Variants in RYR2 observed in about 807,000 individuals in gnomAD.
RYR2 encodes the protein ryanodine receptor 2.
Under a neutral mutation model 601.1 loss-of-function variants are expected in RYR2, and 227 were observed. The observed-to-expected ratio is 0.38, with a 90% CI of 0.34 to 0.42. The LOEUF (loss-of-function observed/expected upper bound fraction) is 0.42. RYR2 is among the 10% of genes least tolerant of loss of function. The pLI, the probability that RYR2 is intolerant of heterozygous loss-of-function variation, is 1.00. For synonymous variants in RYR2, 2,223 were observed against 2,175.1 expected (o/e 1.02, Z -0.61); for missense variants, 4,646 against 6,156.5 (o/e 0.75, Z 8.21).
At chr1:237,380,400 AT>A (rs1701395373) in intron 8 of RYR2, among the ~76,000 whole-genome samples, 1 of 35,002 alleles carries the variant, frequency 2.9e-5, no homozygotes, top group Non-Finnish European at 5.7e-5. Context: ...ATATATATAT[AT>A]ATATATATAT....
rs901316291 is a variant in RYR2, at chr1:237,377,384, A to G, written c.525A>G (p.Val175=). 2 of 1,613,648 alleles carry G rather than the reference A, an allele frequency of 1.2e-6. No individual in the cohort carries two copies. The highest frequency in any genetic ancestry group is 1.3e-5 in the African/African-American group (1 of 74,942). ...ASKQRSEGEK[V]RVGDDLILVS... ...AGCAGCGATCAGAAGGAGAAAAAGT[A>G]CGAGTTGGAGATGACCTCATCTTAG... Residue 175 remains valine (V), a synonymous_variant, in exon 8 of 105, where the codon GTA becomes GTG. Coordinates refer to ENST00000366574, the MANE Select transcript of RYR2 (RefSeq NM_001035.3).
intron 3 of RYR2, chr1:237,341,546 C>A: frequency 2.2e-6 from 1 of 455,334 alleles, no homozygotes; most frequent in South Asian, 1.6e-5. Flanking sequence ...GCCTTCCTAT[C>A]CCCATTAGAG....
intron 2 of RYR2, among the ~76,000 whole-genome samples, chr1:237,303,355 A>G (rs967271492): frequency 7.8e-6 from 1 of 128,052 alleles, no homozygotes; most frequent in African/African-American, 3.2e-5. Flanking sequence ...ACTGGAGTGC[A>G]GTGGTGCAAT....
intron 3 of RYR2, 120 bp downstream of exon 3, chr1:237,331,102 T>G (rs1696664089): frequency 2.5e-6 from 2 of 813,442 alleles, no homozygotes; most frequent in South Asian, 2.9e-5. Flanking sequence ...GCCTTTCAGT[T>G]GGAATGTCCT....
At chr1:237,061,275 T>TCTATCTATC (rs58939432) in intron 1 of RYR2, among the ~76,000 whole-genome samples, 56 of 119,786 alleles carry the variant, frequency 4.7e-4, no homozygotes, top group Non-Finnish European at 6.7e-4. Flanking sequence ...TATCCATCTA[T>TCTATCTATC]CATCTATCTA....
At chr1:237,567,377 A>C (rs1672191757) in intron 28 of RYR2, among the ~76,000 whole-genome samples, 1 of 150,066 alleles carries the variant, frequency 6.7e-6, no homozygotes, top group Non-Finnish European at 1.5e-5. Flanking sequence ...CTAGGAGTGC[A>C]AGACCAGCCT....
At chr1:237,486,606 T>G (rs1020397889) in intron 17 of RYR2, among the ~76,000 whole-genome samples, 1 of 152,232 alleles carries the variant, frequency 6.6e-6, no homozygotes, top group African/African-American at 2.4e-5. Context: ...GGCCTTTTGT[T>G]GTCAGGCCTC....
intron 3 of RYR2, among the ~76,000 whole-genome samples, chr1:237,347,949 T>G (rs1698438064): frequency 1.3e-5 from 2 of 152,200 alleles, no homozygotes; most frequent in Admixed American, 6.5e-5. Context: ...AGGTCTAACA[T>G]TTTTTATACC....
intron 10 of RYR2, among the ~76,000 whole-genome samples, chr1:237,388,816 T>A (rs922971982): frequency 1.3e-5 from 2 of 152,206 alleles, no homozygotes; most frequent in Non-Finnish European, 2.9e-5. Context: ...GTAAGATGAA[T>A]ATGTAAATAA....
intron 1 of RYR2, among the ~76,000 whole-genome samples, chr1:237,212,710 C>T (rs1682721819): frequency 6.6e-6 from 1 of 152,156 alleles, no homozygotes; most frequent in South Asian, 2.1e-4. Context: ...TACTAATGTA[C>T]TAATATGCAT....
chr1:237,200,268 A>G (rs1357870813), intron 1 of RYR2, among the ~76,000 whole-genome samples: 5 of 148,566 alleles, frequency 3.4e-5, no homozygotes, highest in Non-Finnish European at 7.4e-5. Flanking sequence ...CAACCATTCC[A>G]TTCTTTTTTT....
chr1:237,756,118 A>C lies in RYR2; in HGVS notation c.11146-170A>C, dbSNP rs78513709. On this transcript the variant is annotated intron_variant, in intron 80 of 104. Coordinates refer to ENST00000366574, the MANE Select transcript of RYR2 (RefSeq NM_001035.3). ...GAAAACTATAAAGGGGGAAAAAAAA[A>C]CAATAGTTGAATATGTTAATAATAT... Among the ~76,000 whole-genome samples the C allele has an allele frequency of 0.06, 8,992 of 148,726 alleles. 384 individuals are homozygous for C. Among genetic ancestry groups the C allele is most frequent in the African/African-American group, 0.12 (4,839 of 40,358 alleles).
At chr1:237,102,209 G>A (rs1668181959) in intron 1 of RYR2, among the ~76,000 whole-genome samples, 1 of 152,210 alleles carries the variant, frequency 6.6e-6, no homozygotes, top group Admixed American at 6.5e-5. Flanking sequence ...AGACAGGTGG[G>A]GGGAGTGCTC....
chr1:237,621,344 C>T (rs114895007), intron 38 of RYR2, among the ~76,000 whole-genome samples: 5,336 of 152,070 alleles, frequency 0.035, 295 homozygotes, highest in African/African-American at 0.12. Context: ...CCTGCCACTT[C>T]AAGAATTTTG....
At chr1:237,550,234 G>C (rs1397280130) in intron 26 of RYR2, among the ~76,000 whole-genome samples, 1 of 152,180 alleles carries the variant, frequency 6.6e-6, no homozygotes, top group Admixed American at 6.5e-5. Flanking sequence ...GAAGTTATAT[G>C]TTCTCTAAGT....
At chr1:237,178,407 G>A (rs1355617759) in intron 1 of RYR2, among the ~76,000 whole-genome samples, 3 of 134,172 alleles carry the variant, frequency 2.2e-5, no homozygotes, top group Non-Finnish European at 4.7e-5. Context: ...CTCTTTTGTA[G>A]TTAAGGCTCT....
chr1:237,575,872 A>T (rs886772959), intron 29 of RYR2, among the ~76,000 whole-genome samples: 49 of 152,022 alleles, frequency 3.2e-4, no homozygotes, highest in African/African-American at 1.1e-3. Context: ...AGACAATATA[A>T]GTATTTACAG....
intron 84 of RYR2, among the ~76,000 whole-genome samples, chr1:237,767,608 A>G (rs1299106830): frequency 6.6e-6 from 1 of 152,222 alleles, no homozygotes; most frequent in Non-Finnish European, 1.5e-5. Flanking sequence ...ATGAGATAAC[A>G]TATCTAGCAC....
chr1:237,623,379 CTTT>C (rs1679281978), intron 38 of RYR2, among the ~76,000 whole-genome samples: 1 of 28,130 alleles, frequency 3.6e-5, no homozygotes, highest in African/African-American at 9.5e-5. Context: ...TTCTTTCTTT[CTTT>C]CTTTTTTTTT....
Sources: allele counts gnomAD v4.1 joint callset (sites outside exome capture counted in the v4.1 genomes callset), GRCh38; gene constraint gnomAD v4.1.1; transcripts MANE v1.5; gene names NCBI Gene and HGNC (gene_info 2026-07-23, HGNC 2026-07-21).